The following CTNNA3 variants were observed in gnomAD, a reference collection of about 807,000 sequenced individuals.
The protein encoded by CTNNA3 is catenin alpha 3, also known as catenin alpha-3.
A neutral mutation model predicts 95.7 loss-of-function variants in CTNNA3; 76 were observed. The ratio of observed to expected loss-of-function variants is 0.79; its 90% confidence interval spans 0.66 to 0.96. CTNNA3 has a LOEUF of 0.96. Ranked by LOEUF, CTNNA3 falls within the 40% of genes least tolerant of loss-of-function variation. The pLI, the probability that CTNNA3 is intolerant of heterozygous loss-of-function variation, is 0.00. For missense variants in CTNNA3, 1,191 were observed against 1,089.8 expected (o/e 1.09, Z -1.31); for synonymous variants, 431 against 374.4 (o/e 1.15, Z -1.74).
intron 14 of CTNNA3, among the ~76,000 whole-genome samples, chr10:66,084,694 T>G (rs1478558167): frequency 1.3e-5 from 2 of 152,190 alleles, no homozygotes; most frequent in Admixed American, 1.3e-4. Flanking sequence ...AAAGATTCAT[T>G]TAATAAATCC....
intron 5 of CTNNA3, among the ~76,000 whole-genome samples, chr10:67,385,651 CT>C (rs1196042000): frequency 6.6e-6 from 1 of 151,784 alleles, no homozygotes; most frequent in African/African-American, 2.4e-5. Flanking sequence ...ACTCTTCACC[CT>C]TTTTTTTCTC....
At chr10:66,322,797 A>C (rs2092206996) in intron 12 of CTNNA3, among the ~76,000 whole-genome samples, 1 of 152,016 alleles carries the variant, frequency 6.6e-6, no homozygotes, top group Non-Finnish European at 1.5e-5. Context: ...GACTTACTGG[A>C]GACCAAAACA....
intron 7 of CTNNA3, among the ~76,000 whole-genome samples, chr10:66,784,961 G>A (rs1441353282): frequency 1.3e-5 from 2 of 152,202 alleles, no homozygotes; most frequent in Non-Finnish European, 2.9e-5. Flanking sequence ...AGTGAAAGGA[G>A]GTCGGCTACT....
At chr10:65,963,347 A>G (rs868777539) in intron 17 of CTNNA3, among the ~76,000 whole-genome samples, 7 of 152,062 alleles carry the variant, frequency 4.6e-5, no homozygotes, top group African/African-American at 1.7e-4. Flanking sequence ...ATAACATTCC[A>G]TGTCTTCCCT....
rs370269225 is a variant in CTNNA3 at position 66,103,197 on chromosome 10, C to T, written c.1937G>A (p.Arg646His). ...VSDLEEEHEV[R>H]SHTSIQTEGK... ...TTCGGTCTGAATGCTGGTGTGACTG[C>T]GGACCTCGTGTTCCTCTTCAAGGTC... The change falls in exon 14 of 18, where the codon CGC (arginine) becomes CAC (histidine). Residue 646 changes from arginine (R) to histidine (H), a missense_variant. Arg to His is a conservative substitution (Grantham distance 29). Transcript: ENST00000433211. The T allele has an allele frequency of 1.6e-4, 256 of 1,614,076 alleles. 2 individuals carry two copies. In the South Asian group the frequency reaches 2.2e-3, roughly 14 times the overall value.
chr10:67,018,754 T>C (rs1465585107), intron 7 of CTNNA3, among the ~76,000 whole-genome samples: 1 of 152,216 alleles, frequency 6.6e-6, no homozygotes, highest in African/African-American at 2.4e-5. Flanking sequence ...GTTGTGAAGA[T>C]TAAAGGAGTT....
intron 11 of CTNNA3, among the ~76,000 whole-genome samples, chr10:66,390,704 G>A (rs991158380): frequency 2.0e-5 from 3 of 152,034 alleles, no homozygotes; most frequent in Admixed American, 1.3e-4. Flanking sequence ...CAAATAGAAT[G>A]CATTAGTGTG....
chr10:66,717,568 G>T (rs1306358519), intron 9 of CTNNA3, among the ~76,000 whole-genome samples: 1 of 152,022 alleles, frequency 6.6e-6, no homozygotes, highest in African/African-American at 2.4e-5. Flanking sequence ...ACATTACCTG[G>T]ATAAGCTGGC....
rs185890186 is a variant in CTNNA3 at position 66,559,411 on chromosome 10, T to C, written c.1375-38638A>G. Among the ~76,000 whole-genome samples the C allele has an allele frequency of 6.7e-4, 98 of 145,730 alleles. No individual in the cohort carries two copies. The East Asian group carries it at 8.0e-3, about 12-fold the overall frequency. The stretch of plus-strand genomic sequence containing the variant: ...TCAATGAGGCACAATATTGCCTCCT[T>C]CCAGAGGACATTTTGCAATGTTGCA... On this transcript the variant is annotated intron_variant, in intron 10 of 17. Transcript: ENST00000433211.
At chr10:65,950,460 G>A (rs532790588) in intron 17 of CTNNA3, among the ~76,000 whole-genome samples, 2 of 151,176 alleles carry the variant, frequency 1.3e-5, no homozygotes, top group South Asian at 4.2e-4. Flanking sequence ...AGCTCAACTC[G>A]TGAACATCAG....
At chr10:66,777,799 G>A (rs199737513) in intron 7 of CTNNA3, among the ~76,000 whole-genome samples, 80 of 138,138 alleles carry the variant, frequency 5.8e-4, no homozygotes, top group Admixed American at 1.1e-3. Flanking sequence ...ACACACACAT[G>A]CACACACACA....
At chr10:66,199,323 G>A (rs922239596) in intron 13 of CTNNA3, among the ~76,000 whole-genome samples, 2 of 151,948 alleles carry the variant, frequency 1.3e-5, no homozygotes, top group Admixed American at 6.6e-5. Flanking sequence ...CTACTCTCAC[G>A]AAATACCAGC....
At chr10:66,096,961 A>G (rs1204351142) in intron 14 of CTNNA3, among the ~76,000 whole-genome samples, 1 of 152,206 alleles carries the variant, frequency 6.6e-6, no homozygotes, top group Non-Finnish European at 1.5e-5. Flanking sequence ...ATTTTACTAA[A>G]TGGTGAGGGA....
chr10:65,992,149 C>T (rs1480098539), intron 15 of CTNNA3, among the ~76,000 whole-genome samples: 1 of 151,942 alleles, frequency 6.6e-6, no homozygotes, highest in Admixed American at 6.6e-5. Flanking sequence ...ATTAATTTTG[C>T]TAGTATTTTG....
intron 14 of CTNNA3, among the ~76,000 whole-genome samples, chr10:66,089,503 A>T (rs1165003521): frequency 6.6e-6 from 1 of 151,448 alleles, no homozygotes. Flanking sequence ...TTAAAACATA[A>T]ACTGTTTTTT....
intron 7 of CTNNA3, among the ~76,000 whole-genome samples, chr10:66,890,080 C>T (rs770406990): frequency 1.3e-5 from 2 of 152,070 alleles, no homozygotes; most frequent in Non-Finnish European, 2.9e-5. Context: ...CATGAGCCAC[C>T]GCACCCGGCC....
At chr10:67,409,615 C>T (rs1236989283) in intron 5 of CTNNA3, among the ~76,000 whole-genome samples, 1 of 151,966 alleles carries the variant, frequency 6.6e-6, no homozygotes, top group Non-Finnish European at 1.5e-5. Flanking sequence ...GGAGGGAAAG[C>T]ATCAGGAAGA....
intron 15 of CTNNA3, among the ~76,000 whole-genome samples, chr10:65,994,493 T>C (rs2078610375): frequency 6.6e-6 from 1 of 152,104 alleles, no homozygotes; most frequent in Admixed American, 6.5e-5. Flanking sequence ...TCCTGATCTG[T>C]AATTTTTCTG....
intron 11 of CTNNA3, among the ~76,000 whole-genome samples, chr10:66,419,948 T>C (rs150040735): frequency 6.6e-6 from 1 of 152,072 alleles, no homozygotes; most frequent in East Asian, 1.9e-4. Flanking sequence ...GAAGGAAACA[T>C]AGGAAACGCA....
Sources: allele counts gnomAD v4.1 joint callset (sites outside exome capture counted in the v4.1 genomes callset), GRCh38; gene constraint gnomAD v4.1.1; transcripts MANE v1.5; gene names NCBI Gene and HGNC (gene_info 2026-07-23, HGNC 2026-07-21).